Variants in GRAMD1B observed in about 807,000 individuals in gnomAD.
The protein encoded by GRAMD1B is GRAM domain containing 1B.
GRAMD1B carries 37 observed loss-of-function variants against 99.7 expected under a neutral mutation model. That is an observed-to-expected ratio of 0.37 (90% CI 0.29 to 0.49). GRAMD1B has a LOEUF of 0.49. Among genes scored for constraint, GRAMD1B ranks in the 20% least tolerant of loss-of-function variants. The pLI is 0.98. For synonymous variants in GRAMD1B, 427 were observed against 387.6 expected (o/e 1.10, Z -1.19); for missense variants, 888 against 1,009.2 (o/e 0.88, Z 1.63).
At chr11:123,499,886 C>T (rs1939682656) in intron 2 of GRAMD1B, among the ~76,000 whole-genome samples, 2 of 152,354 alleles carry the variant, frequency 1.3e-5, no homozygotes, top group Middle Eastern at 3.4e-3. Flanking sequence ...CTCCACTACA[C>T]GCTTGCTGTG....
intron 1 of GRAMD1B, among the ~76,000 whole-genome samples, chr11:123,398,409 C>G (rs540182690): frequency 6.6e-6 from 1 of 152,290 alleles, no homozygotes; most frequent in Admixed American, 6.5e-5. Context: ...ATAACCTTAT[C>G]TAATCCTAAA....
intron 1 of GRAMD1B, among the ~76,000 whole-genome samples, chr11:123,402,924 A>C (rs1211540564): frequency 6.6e-6 from 1 of 152,080 alleles, no homozygotes; most frequent in Non-Finnish European, 1.5e-5. Context: ...CATTTGACCC[A>C]GCAATCCCAT....
chr11:123,515,612 GA>G (rs1283842386), intron 2 of GRAMD1B, among the ~76,000 whole-genome samples: 2 of 152,022 alleles, frequency 1.3e-5, no homozygotes, highest in Non-Finnish European at 2.9e-5. Flanking sequence ...TGGAGAGATT[GA>G]AAAAAATTGG....
intron 1 of GRAMD1B, among the ~76,000 whole-genome samples, chr11:123,400,439 T>A (rs951883614): frequency 3.3e-5 from 5 of 152,182 alleles, no homozygotes; most frequent in African/African-American, 1.2e-4. Context: ...ATCGTGCCAT[T>A]GCAATTCCCC....
rs1591818082 is a variant in GRAMD1B at position 123,525,826 on chromosome 11, C to G, written c.452+44933C>G. 3.4e-5 allele frequency: 14 copies of G among 411,548 alleles called. No homozygotes were observed. In the East Asian group the frequency reaches 6.7e-4, roughly 20 times the overall value. The allele number at this position is 411,548 out of a possible 1,614,324, so 25.5% of individuals were successfully genotyped here. A position where few individuals can be genotyped will look rare whatever the true frequency, so the allele number is the denominator to read the frequency against. Reference sequence around the variant, plus strand: ...AACTCCAGGGCTTGTTTCGCGCAGCCTTGCCAGCATTACCCATCCTCATCA... The same window carrying G: ...AACTCCAGGGCTTGTTTCGCGCAGCGTTGCCAGCATTACCCATCCTCATCA... On this transcript the variant is annotated intron_variant, in intron 2 of 19. Coordinates refer to ENST00000635736, the MANE Select transcript of GRAMD1B (RefSeq NM_001387025.1).
chr11:123,438,534 G>T (rs1439228013), intron 1 of GRAMD1B, among the ~76,000 whole-genome samples: 1 of 152,240 alleles, frequency 6.6e-6, no homozygotes, highest in Non-Finnish European at 1.5e-5. Flanking sequence ...GAATCAGCTA[G>T]CGCCTGGCTG....
chr11:123,582,455 C>T (rs1442495117), intron 3 of GRAMD1B, among the ~76,000 whole-genome samples: 1 of 152,186 alleles, frequency 6.6e-6, no homozygotes, highest in Non-Finnish European at 1.5e-5. Flanking sequence ...GGGGATGAGG[C>T]TAAGATGGGA....
chr11:123,620,038 C>A (rs1326721066), intron 19 of GRAMD1B, among the ~76,000 whole-genome samples: 1 of 152,202 alleles, frequency 6.6e-6, no homozygotes, highest in Non-Finnish European at 1.5e-5. Flanking sequence ...GAGCAAGGGA[C>A]CTTGAGCTTC....
intron 2 of GRAMD1B, among the ~76,000 whole-genome samples, chr11:123,539,932 G>A (rs760911434): frequency 7.2e-5 from 11 of 152,202 alleles, no homozygotes; most frequent in South Asian, 4.1e-4. Flanking sequence ...TAATTGATCC[G>A]CGAGTAGGAA....
chr11:123,448,424 T>A (rs1949735878), intron 1 of GRAMD1B, among the ~76,000 whole-genome samples: 1 of 152,194 alleles, frequency 6.6e-6, no homozygotes, highest in Non-Finnish European at 1.5e-5. Flanking sequence ...TTCGCCATAT[T>A]GGCCGGGCTG....
chr11:123,488,089 T>C (rs1001717643), intron 2 of GRAMD1B, among the ~76,000 whole-genome samples: 1 of 152,224 alleles, frequency 6.6e-6, no homozygotes, highest in African/African-American at 2.4e-5. Context: ...CATAGACAGC[T>C]GTCTTCTTGC....
intron 2 of GRAMD1B, among the ~76,000 whole-genome samples, chr11:123,545,239 G>A (rs1422952631): frequency 3.3e-5 from 5 of 152,226 alleles, no homozygotes; most frequent in Non-Finnish European, 7.3e-5. Flanking sequence ...AGGACTGCAG[G>A]CACCCTTTCT....
At chr11:123,366,852 A>T (rs2135707803) in intron 1 of GRAMD1B, among the ~76,000 whole-genome samples, 1 of 152,236 alleles carries the variant, frequency 6.6e-6, no homozygotes, top group African/African-American at 2.4e-5. Context: ...GTTCTTGTTT[A>T]TTTCTGTCAT....
At chr11:123,419,241 G>A (rs1948337571) in intron 1 of GRAMD1B, among the ~76,000 whole-genome samples, 1 of 152,152 alleles carries the variant, frequency 6.6e-6, no homozygotes, top group Non-Finnish European at 1.5e-5. Flanking sequence ...GACCACAGAG[G>A]TTGTCTGGTC....
intron 2 of GRAMD1B, among the ~76,000 whole-genome samples, chr11:123,555,463 C>G (rs1435063805): frequency 6.6e-6 from 1 of 152,150 alleles, no homozygotes; most frequent in African/African-American, 2.4e-5. Context: ...ACTCTCCTGC[C>G]TCAGCCTCCC....
intron 1 of GRAMD1B, among the ~76,000 whole-genome samples, chr11:123,388,950 C>G (rs1321273821): frequency 6.6e-6 from 1 of 152,124 alleles, no homozygotes; most frequent in Non-Finnish European, 1.5e-5. Flanking sequence ...GTCCGGGGAT[C>G]AAGGTCAACA....
intron 7 of GRAMD1B, chr11:123,599,500 T>C: frequency 3.5e-6 from 2 of 565,912 alleles, no homozygotes; most frequent in South Asian, 1.5e-5. Context: ...TGAGGCGCAG[T>C]CTCACTCTGT....
intron 7 of GRAMD1B, chr11:123,598,504 T>A: frequency 1.5e-6 from 2 of 1,299,690 alleles, no homozygotes; most frequent in Admixed American, 3.4e-5. Flanking sequence ...ATGTCTTTGT[T>A]CCTCTCAGTG....
At chr11:123,601,367 AG>A (rs1425560325) in intron 8 of GRAMD1B, among the ~76,000 whole-genome samples, 1 of 151,422 alleles carries the variant, frequency 6.6e-6, no homozygotes, top group African/African-American at 2.4e-5. Context: ...CCTGGATGAC[AG>A]AGCAAGACCC....
Sources: gnomAD v4.1 joint callset for allele counts (sites outside exome capture counted in the v4.1 genomes callset) on GRCh38, gnomAD v4.1.1 for gene constraint, MANE v1.5 for transcripts, NCBI Gene and HGNC (gene_info 2026-07-23, HGNC 2026-07-21) for gene names.